SLC25A31: variants seen among roughly 807,000 people sequenced by gnomAD.
SLC25A31 encodes ADP/ATP translocase 4.
Under a neutral mutation model 36.2 loss-of-function variants are expected in SLC25A31, and 40 were observed. The ratio of observed to expected loss-of-function variants is 1.10; its 90% CI spans 0.86 to 1.44. The LOEUF (loss-of-function observed/expected upper bound fraction) is 1.44, where lower values mean the gene tolerates loss of function less well. SLC25A31 is among the 40% of genes most tolerant of loss of function. The pLI is 0.00. For missense variants in SLC25A31, 350 were observed against 397.1 expected (o/e 0.88, Z 1.01); for synonymous variants, 143 against 149.7 (o/e 0.96, Z 0.32).
chr4:127,749,207 AGGTC>A (rs1731878497), intron 2 of SLC25A31, among the ~76,000 whole-genome samples: 1 of 152,176 alleles, frequency 6.6e-6, no homozygotes, highest in African/African-American at 2.4e-5. Flanking sequence ...ACTCAAAGAT[AGGTC>A]ATTTAAAATT....
At chr4:127,763,192 A>C (rs976074648) in intron 2 of SLC25A31, among the ~76,000 whole-genome samples, 1 of 152,196 alleles carries the variant, frequency 6.6e-6, no homozygotes, top group Admixed American at 6.5e-5. Context: ...TTATGGGAAG[A>C]GGGTATGATC....
At chr4:127,731,121 A>G (rs1263912679) in intron 1 of SLC25A31, among the ~76,000 whole-genome samples, 1 of 152,216 alleles carries the variant, frequency 6.6e-6, no homozygotes, top group Non-Finnish European at 1.5e-5. Flanking sequence ...GCACTCTGCT[A>G]TAACTAGTGC....
chr4:127,731,630 A>C (rs184821556), intron 1 of SLC25A31, among the ~76,000 whole-genome samples: 525 of 152,268 alleles, frequency 3.4e-3, no homozygotes, highest in Non-Finnish European at 5.3e-3. Flanking sequence ...GATTTCAGGG[A>C]GCCCAGATCG....
chr4:127,762,645 G>A (rs527353823), intron 2 of SLC25A31, among the ~76,000 whole-genome samples: 10 of 152,168 alleles, frequency 6.6e-5, no homozygotes, highest in African/African-American at 1.2e-4. Flanking sequence ...TGGGCCGGGC[G>A]CAGTGGCTCA....
intron 2 of SLC25A31, among the ~76,000 whole-genome samples, chr4:127,752,060 C>T (rs915962446): frequency 3.9e-5 from 6 of 152,184 alleles, no homozygotes; most frequent in Admixed American, 3.3e-4. Flanking sequence ...CCAGCCATCC[C>T]ATTACTGAGT....
intron 2 of SLC25A31, among the ~76,000 whole-genome samples, chr4:127,755,785 G>A (rs1732018058): frequency 6.6e-6 from 1 of 152,214 alleles, no homozygotes; most frequent in Non-Finnish European, 1.5e-5. Flanking sequence ...TATAATCCCA[G>A]CACTTTGATA....
At chr4:127,761,800 T>G (rs1732146452) in intron 2 of SLC25A31, among the ~76,000 whole-genome samples, 1 of 152,190 alleles carries the variant, frequency 6.6e-6, no homozygotes, top group African/African-American at 2.4e-5. Context: ...CCAAAAAGTC[T>G]AAGACATTAA....
At chr4:127,737,410 C>G (rs187880485) in intron 1 of SLC25A31, among the ~76,000 whole-genome samples, 8 of 152,284 alleles carry the variant, frequency 5.3e-5, no homozygotes, top group Admixed American at 5.2e-4. Context: ...GGAACACATT[C>G]TTCAGCCAAC....
At chr4:127,736,624 A>G (rs571826769) in intron 1 of SLC25A31, among the ~76,000 whole-genome samples, 41 of 152,300 alleles carry the variant, frequency 2.7e-4, no homozygotes, top group Admixed American at 6.5e-4. Flanking sequence ...AGCCTTTCCT[A>G]TATCTTGTAA....
intron 5 of SLC25A31, among the ~76,000 whole-genome samples, chr4:127,770,700 C>A (rs1455790509): frequency 2.0e-5 from 3 of 151,718 alleles, no homozygotes; most frequent in African/African-American, 7.3e-5. Flanking sequence ...CCTAATCTCA[C>A]AACAGTACAG....
intron 5 of SLC25A31, 43 bp downstream of exon 5, chr4:127,768,920 A>C: frequency 6.6e-7 from 1 of 1,518,838 alleles, no homozygotes; most frequent in Admixed American, 2.2e-5. Context: ...AGTTTTTAAT[A>C]TCTCTGATAT....
At chr4:127,764,408 C>A in intron 3 of SLC25A31, 48 bp downstream of exon 3, 1 of 1,468,018 alleles carries the variant, frequency 6.8e-7, no homozygotes, top group Non-Finnish European at 9.5e-7. Flanking sequence ...GCATTTTGAA[C>A]CATCTGTTAT....
In SLC25A31 at chr4:127,768,686, TTTAAC is replaced by T. The variant is rs1732292430; in HGVS notation, c.634-61_634-57del. 3.7e-6 allele frequency: 5 copies of T among 1,363,280 alleles called. No individual in the cohort carries two copies. In the Admixed American group the frequency reaches 1.1e-4, roughly 29 times the overall value. The allele number at this position is 1,363,280 out of a possible 1,614,324, so 84.4% of individuals were successfully genotyped here. A position where few individuals can be genotyped will look rare whatever the true frequency, so the allele number is the denominator to read the frequency against. ...TTTCATATATTTATAAAAATTATCCTTTAACTTAAGAATTTAAGATATTTTAGAAA... is the reference window on the plus strand; with the variant it reads ...TTTCATATATTTATAAAAATTATCCTTTAAGAATTTAAGATATTTTAGAAA... On this transcript the variant is annotated intron_variant, in intron 4 of 5. Coordinates refer to ENST00000281154, the MANE Select transcript of SLC25A31 (RefSeq NM_031291.4).
intron 2 of SLC25A31, among the ~76,000 whole-genome samples, chr4:127,749,541 C>T (rs150025000): frequency 2.6e-5 from 4 of 151,916 alleles, no homozygotes; most frequent in Non-Finnish European, 5.9e-5. Context: ...GTCAGCAGAT[C>T]GAGACCATCC....
chr4:127,737,915 C>G (rs1183164473), intron 1 of SLC25A31, among the ~76,000 whole-genome samples: 1 of 149,860 alleles, frequency 6.7e-6, no homozygotes, highest in Non-Finnish European at 1.5e-5. Context: ...ATCATAATTA[C>G]AGAATTATAA....
intron 1 of SLC25A31, among the ~76,000 whole-genome samples, chr4:127,743,763 A>G (rs956750066): frequency 6.6e-6 from 1 of 152,244 alleles, no homozygotes; most frequent in Non-Finnish European, 1.5e-5. Context: ...CTTATTTAAC[A>G]AATAATTATC....
At chr4:127,744,926 T>A in intron 2 of SLC25A31, 127 bp downstream of exon 2, 1 of 680,220 alleles carries the variant, frequency 1.5e-6, no homozygotes, top group Non-Finnish European at 2.2e-6. Context: ...AGATTTGTCT[T>A]AACTGTGATG....
rs776279756 is a variant in SLC25A31 at position 127,730,680 on chromosome 4, G to C, written c.135G>C (p.Lys45Asn). The C allele has an allele frequency of 1.1e-5, 17 of 1,613,828 alleles. No individual in the cohort carries two copies. Among genetic ancestry groups the C allele is most frequent in the Non-Finnish European group, 1.4e-5 (17 of 1,179,956 alleles). The change falls in exon 1 of 6, where the codon AAG becomes AAC. Residue 45 changes from lysine to asparagine, a missense_variant. Coordinates refer to ENST00000281154, the MANE Select transcript of SLC25A31 (RefSeq NM_031291.4). ...CGGTGGCGCCCATCGAGCGGGTGAAGCTGCTGCTGCAGGTGCAGGCGTCGT... is the reference window on the plus strand; with the variant it reads ...CGGTGGCGCCCATCGAGCGGGTGAACCTGCTGCTGCAGGTGCAGGCGTCGT... ...KTAVAPIERV[K>N]LLLQVQASSK... is the part of the protein sequence containing the mutation.
chr4:127,763,409 G>A (rs886163047), intron 2 of SLC25A31, among the ~76,000 whole-genome samples: 1 of 152,284 alleles, frequency 6.6e-6, no homozygotes, highest in South Asian at 2.1e-4. Flanking sequence ...AGCTTGACTA[G>A]CATATTATTC....
Sources: allele counts gnomAD v4.1 joint callset (sites outside exome capture counted in the v4.1 genomes callset), GRCh38; gene constraint gnomAD v4.1.1; transcripts MANE v1.5; gene names NCBI Gene and HGNC (gene_info 2026-07-23, HGNC 2026-07-21).